Variants in STK3 observed in about 807,000 individuals in gnomAD.
STK3 encodes serine/threonine-protein kinase 3.
Under a neutral mutation model 58.0 loss-of-function variants are expected in STK3, and 41 were observed. The observed-to-expected ratio is 0.71, with a 90% CI of 0.55 to 0.92. The LOEUF (loss-of-function observed/expected upper bound fraction) is 0.92, where lower values mean the gene tolerates loss of function less well. Ranked by LOEUF, STK3 falls within the 40% of genes least tolerant of loss-of-function variation. STK3 has a pLI of 0.00. For synonymous variants in STK3, 170 were observed against 191.0 expected, an observed-to-expected ratio of 0.89 and a Z score of 0.91; for missense variants, 479 against 602.7, an observed-to-expected ratio of 0.79 and a Z score of 2.15.
intron 6 of STK3, among the ~76,000 whole-genome samples, chr8:98,622,101 T>TAAA (rs35431395): frequency 2.2e-5 from 2 of 91,382 alleles, no homozygotes; most frequent in Admixed American, 2.5e-4. Context: ...CTGTCTCTAC[T>TAAA]AAAAAAAAAA....
At chr8:98,733,162 A>G (rs1027684703) in intron 4 of STK3, among the ~76,000 whole-genome samples, 1 of 152,198 alleles carries the variant, frequency 6.6e-6, no homozygotes, top group African/African-American at 2.4e-5. Flanking sequence ...CACTCTCTCA[A>G]TATTTACTGA....
intron 1 of STK3, among the ~76,000 whole-genome samples, chr8:98,927,641 G>C (rs1839850296): frequency 6.6e-6 from 1 of 152,200 alleles, no homozygotes; most frequent in South Asian, 2.1e-4. Flanking sequence ...AGAGTAACTT[G>C]TCTAAGATCA....
At chr8:98,737,537 G>A (rs769570832) in intron 4 of STK3, among the ~76,000 whole-genome samples, 2 of 152,128 alleles carry the variant, frequency 1.3e-5, no homozygotes, top group African/African-American at 2.4e-5. Context: ...GGTCAGAGGA[G>A]TAACAACGGT....
chr8:98,915,432 CTATATATATATATATATA>C (rs56187203), intron 1 of STK3, among the ~76,000 whole-genome samples: 52,835 of 94,932 alleles, frequency 0.56, 14,370 homozygotes, highest in South Asian at 0.74. Flanking sequence ...ATAAACTTTC[CTATATATATATATATATA>C]TATATATATA....
chr8:98,464,540 T>TTAAAAAAAA (rs71572015), intron 10 of STK3, among the ~76,000 whole-genome samples: 3 of 69,218 alleles, frequency 4.3e-5, no homozygotes, highest in African/African-American at 1.7e-4. Context: ...TACTTAAAGT[T>TTAAAAAAAA]AAAAAAAAAA....
chr8:98,700,529 A>T (rs1036562331), intron 6 of STK3, among the ~76,000 whole-genome samples: 8 of 151,882 alleles, frequency 5.3e-5, no homozygotes, highest in Admixed American at 3.9e-4. Flanking sequence ...AATAAAATCA[A>T]TAATTCTTAA....
intron 3 of STK3, among the ~76,000 whole-genome samples, chr8:98,396,338 T>A (rs1433535501): frequency 6.6e-6 from 1 of 152,254 alleles, no homozygotes; most frequent in East Asian, 1.9e-4. Context: ...CTAAGAAGCA[T>A]CCAAAGCAAT....
At chr8:98,691,840 G>A (rs754777136) in intron 6 of STK3, among the ~76,000 whole-genome samples, 2 of 151,550 alleles carry the variant, frequency 1.3e-5, no homozygotes, top group Non-Finnish European at 2.9e-5. Flanking sequence ...GCTGAGGCAG[G>A]AGAATCGCTT....
At chr8:98,674,766 C>T (rs925124489) in intron 6 of STK3, among the ~76,000 whole-genome samples, 2 of 152,084 alleles carry the variant, frequency 1.3e-5, no homozygotes, top group South Asian at 2.1e-4. Flanking sequence ...GAGAATAATT[C>T]GTATCTTCCG....
intron 4 of STK3, among the ~76,000 whole-genome samples, chr8:98,732,857 C>T (rs755150402): frequency 6.6e-6 from 1 of 151,910 alleles, no homozygotes; most frequent in African/African-American, 2.4e-5. Context: ...ATAAAAGATG[C>T]ATACATTGCT....
intron 3 of STK3, among the ~76,000 whole-genome samples, chr8:98,848,765 G>C (rs1836317284): frequency 6.6e-6 from 1 of 152,094 alleles, no homozygotes. Flanking sequence ...TGGACATTTG[G>C]TTGTTTCTTA....
intron 1 of STK3, among the ~76,000 whole-genome samples, chr8:98,381,932 T>A (rs759983749): frequency 2.0e-5 from 3 of 152,246 alleles, no homozygotes; most frequent in Non-Finnish European, 2.9e-5. Context: ...TTTCCATTCA[T>A]TTTGCTTTTT....
chr8:98,634,064 T>G (rs1237396623), intron 6 of STK3, among the ~76,000 whole-genome samples: 1 of 152,106 alleles, frequency 6.6e-6, no homozygotes, highest in Non-Finnish European at 1.5e-5. Context: ...AAGAAGGGGA[T>G]ATTACTTGAG....
At chr8:98,555,623 T>G (rs1237277801) in intron 8 of STK3, among the ~76,000 whole-genome samples, 1 of 152,136 alleles carries the variant, frequency 6.6e-6, no homozygotes, top group Non-Finnish European at 1.5e-5. Context: ...CTAACGAGTA[T>G]GCATTCTGCT....
chr8:98,714,705 G>C (rs981563872), intron 4 of STK3, among the ~76,000 whole-genome samples: 11 of 152,180 alleles, frequency 7.2e-5, no homozygotes, highest in African/African-American at 2.7e-4. Context: ...TGGCCATACT[G>C]TCCAAGGTAA....
intron 1 of STK3, among the ~76,000 whole-genome samples, chr8:98,819,038 T>A (rs1177366435): frequency 6.6e-6 from 1 of 152,142 alleles, no homozygotes; most frequent in Non-Finnish European, 1.5e-5. Context: ...TTAGCCAGGA[T>A]GGTCTCGATC....
chr8:98,527,443 ACT>A (rs1360292197), intron 9 of STK3, among the ~76,000 whole-genome samples: 2 of 151,906 alleles, frequency 1.3e-5, no homozygotes, highest in Non-Finnish European at 2.9e-5. Flanking sequence ...ACATAGTGAA[ACT>A]CTGTCTCTAT....
intron 4 of STK3, among the ~76,000 whole-genome samples, chr8:98,731,899 A>G (rs1383685511): frequency 3.3e-5 from 5 of 152,114 alleles, no homozygotes; most frequent in Non-Finnish European, 7.4e-5. Context: ...AATAAATAAA[A>G]CAAGGAAATC....
chr8:98,711,138 T>C (rs1171645498), intron 4 of STK3, among the ~76,000 whole-genome samples: 1 of 151,962 alleles, frequency 6.6e-6, no homozygotes, highest in Non-Finnish European at 1.5e-5. Context: ...CATCTGTACA[T>C]CACCATCATC....
Sources: gnomAD v4.1 joint callset for allele counts (sites outside exome capture counted in the v4.1 genomes callset) on GRCh38, gnomAD v4.1.1 for gene constraint, MANE v1.5 for transcripts, NCBI Gene and HGNC (gene_info 2026-07-23, HGNC 2026-07-21) for gene names.